Variants in EYS observed in about 807,000 individuals in gnomAD.
EYS encodes the protein protein eyes shut homolog.
In EYS, 250 loss-of-function variants were observed where a neutral mutation model predicts 282.1. The observed-to-expected ratio is 0.89, with a 90% CI of 0.80 to 0.98. The LOEUF (loss-of-function observed/expected upper bound fraction) is 0.98, where lower values mean the gene tolerates loss of function less well. EYS is among the 50% of genes least tolerant of loss of function. The pLI, the probability that EYS is intolerant of heterozygous loss-of-function variation, is 0.00. For synonymous variants in EYS, 1,355 were observed against 1,282.9 expected (o/e 1.06, Z -1.20); for missense variants, 4,016 against 3,709.0 (o/e 1.08, Z -2.15).
intron 35 of EYS, among the ~76,000 whole-genome samples, chr6:63,890,097 C>A (rs1326724933): frequency 6.6e-6 from 1 of 152,150 alleles, no homozygotes; most frequent in Non-Finnish European, 1.5e-5. Flanking sequence ...AATACAGGAG[C>A]ACCCAGATTC....
At chr6:64,151,339 A>ATG (rs1562226681) in intron 31 of EYS, among the ~76,000 whole-genome samples, 1 of 118,566 alleles carries the variant, frequency 8.4e-6, no homozygotes, top group Non-Finnish European at 1.7e-5. Context: ...ATATATATAT[A>ATG]TATATATATA....
intron 22 of EYS, among the ~76,000 whole-genome samples, chr6:64,779,586 T>C (rs1562187499): frequency 6.6e-6 from 1 of 152,134 alleles, no homozygotes; most frequent in Non-Finnish European, 1.5e-5. Flanking sequence ...ACATTAGTTA[T>C]ACCTATTGAA....
intron 36 of EYS, among the ~76,000 whole-genome samples, chr6:63,851,879 C>G (rs571208087): frequency 2.6e-5 from 4 of 151,892 alleles, no homozygotes; most frequent in African/African-American, 7.3e-5. Context: ...ATGAATTGGC[C>G]GGGCGCAGTG....
chr6:64,307,081 A>G lies in EYS; in HGVS notation c.6080T>C (p.Met2027Thr). 3 of 1,274,192 alleles carry G rather than the reference A, an allele frequency of 2.4e-6. No individual in the cohort carries two copies. The highest frequency in any genetic ancestry group is 3.2e-6 in the Non-Finnish European group (3 of 924,064). 78.9% of individuals were successfully genotyped at this position (1,274,192 alleles called of 1,614,324 possible). A position where few individuals can be genotyped will look rare whatever the true frequency, so the allele number is the denominator to read the frequency against. ...GFPDLHGKIQ[M>T]PVPVKNFTGC... The stretch of plus-strand genomic sequence containing the variant: ...AGTAAAATTCTTGACTGGTACAGGC[A>G]TCTGAGAGAGAGAGAGAGAGAGAGA... Residue 2027 changes from methionine (M) to threonine (T), a missense_variant and splice_region_variant, in exon 30 of 43, where the codon ATG (methionine) becomes ACG (threonine). Physicochemically the swap from Met to Thr is moderately conservative, Grantham distance 81 (BLOSUM62 -1). Transcript: ENST00000503581.
intron 31 of EYS, among the ~76,000 whole-genome samples, chr6:64,143,235 A>G (rs892309937): frequency 6.6e-6 from 1 of 152,088 alleles, no homozygotes; most frequent in African/African-American, 2.4e-5. Flanking sequence ...ATGATACTAC[A>G]ACAGTAGATG....
intron 30 of EYS, among the ~76,000 whole-genome samples, chr6:64,245,836 TA>T (rs1373299089): frequency 2.0e-5 from 3 of 151,880 alleles, no homozygotes; most frequent in Non-Finnish European, 4.4e-5. Flanking sequence ...AAATCTTATT[TA>T]AGAATTTTGG....
chr6:64,713,308 G>C (rs1405887335), intron 22 of EYS: 1 of 152,028 alleles, frequency 6.6e-6, no homozygotes, highest in African/African-American at 2.4e-5. Flanking sequence ...AACATAAGCT[G>C]GTCTGGATTG....
Position 64,996,868 on chromosome 6 carries a change from A to G in EYS, c.2259+714T>C, listed in dbSNP as rs554495213. 1.1e-4 allele frequency among the ~76,000 whole-genome samples: 16 copies of G among 152,328 alleles called. No homozygotes were observed. In the South Asian group the frequency reaches 2.9e-3, roughly 28 times the overall value. ...TTCAACAAGTATAGTCTTCTTGCAAATATCAGTTCTGTTGTTAAGTAACAA... is the reference window on the plus strand; with the variant it reads ...TTCAACAAGTATAGTCTTCTTGCAAGTATCAGTTCTGTTGTTAAGTAACAA... On this transcript the variant is annotated intron_variant, in intron 14 of 42. Coordinates refer to ENST00000503581, the MANE Select transcript of EYS (RefSeq NM_001142800.2).
At chr6:64,193,336 A>C (rs2150317720) in intron 31 of EYS, among the ~76,000 whole-genome samples, 1 of 151,006 alleles carries the variant, frequency 6.6e-6, no homozygotes, top group South Asian at 2.1e-4. Context: ...TTGGAAACGG[A>C]GTCTCCCTCT....
intron 33 of EYS, among the ~76,000 whole-genome samples, chr6:64,018,802 T>C: frequency 8.5e-6 from 1 of 118,200 alleles, no homozygotes; most frequent in Non-Finnish European, 1.6e-5. Context: ...CGAGACAGAG[T>C]CTCACTCTGT....
intron 14 of EYS, among the ~76,000 whole-genome samples, chr6:64,959,345 T>C (rs895438423): frequency 1.3e-5 from 2 of 152,214 alleles, no homozygotes; most frequent in African/African-American, 4.8e-5. Context: ...TAATCATTAC[T>C]CCTCTCCTCA....
chr6:64,070,849 C>G (rs1771546293), intron 32 of EYS, among the ~76,000 whole-genome samples: 1 of 151,992 alleles, frequency 6.6e-6, no homozygotes, highest in Non-Finnish European at 1.5e-5. Context: ...TTTGGTGCTG[C>G]TGCCTTAATA....
chr6:65,277,471 G>A (rs957547392), intron 12 of EYS, among the ~76,000 whole-genome samples: 10 of 148,784 alleles, frequency 6.7e-5, no homozygotes, highest in East Asian at 2.0e-4. Flanking sequence ...AAAGCGCCCC[G>A]GAAAACTTTT....
At chr6:64,262,185 C>T (rs1444633507) in intron 30 of EYS, among the ~76,000 whole-genome samples, 3 of 152,030 alleles carry the variant, frequency 2.0e-5, no homozygotes, top group Admixed American at 6.6e-5. Context: ...TGTCATATAA[C>T]ACTTCTTCCT....
At chr6:64,890,882 A>C (rs1485772362) in intron 18 of EYS, among the ~76,000 whole-genome samples, 1 of 152,086 alleles carries the variant, frequency 6.6e-6, no homozygotes, top group African/African-American at 2.4e-5. Flanking sequence ...CTTTGCTTCT[A>C]CTTCAATAAC....
Position 64,947,762 on chromosome 6 carries a change from T to C in EYS, c.2260-1848A>G, listed in dbSNP as rs145531176. Reference sequence around the variant, plus strand: ...ATTTAAAATGAAAGCAATTCCACAATAGTCAAGACAACATCAGCTGTGGTG... The same window carrying C: ...ATTTAAAATGAAAGCAATTCCACAACAGTCAAGACAACATCAGCTGTGGTG... On this transcript the variant is annotated intron_variant, in intron 14 of 42. Transcript: ENST00000503581. Among the ~76,000 whole-genome samples the C allele has an allele frequency of 1.1e-3, 163 of 151,328 alleles. 1 individual carries two copies. The highest frequency in any genetic ancestry group is 1.8e-3 in the Non-Finnish European group (124 of 67,726).
At chr6:65,450,374 TTAA>T in intron 5 of EYS, among the ~76,000 whole-genome samples, 1 of 152,280 alleles carries the variant, frequency 6.6e-6, no homozygotes, top group East Asian at 1.9e-4. Flanking sequence ...ATAATTATTT[TTAA>T]AAGTTACATT....
chr6:64,166,116 T>G (rs115342888), intron 31 of EYS, among the ~76,000 whole-genome samples: 79 of 152,310 alleles, frequency 5.2e-4, no homozygotes, highest in African/African-American at 1.9e-3. Context: ...TTCAATTGCT[T>G]CTTTAATCAG....
chr6:64,581,713 G>A (rs972456092), intron 26 of EYS, among the ~76,000 whole-genome samples: 2 of 152,058 alleles, frequency 1.3e-5, no homozygotes, highest in Non-Finnish European at 2.9e-5. Flanking sequence ...CGTTGTACTC[G>A]AGTCTCACTG....
Sources: gnomAD v4.1 joint callset for allele counts (sites outside exome capture counted in the v4.1 genomes callset) on GRCh38, gnomAD v4.1.1 for gene constraint, MANE v1.5 for transcripts, NCBI Gene and HGNC (gene_info 2026-07-23, HGNC 2026-07-21) for gene names.